Variants in MARCHF3 observed in about 807,000 individuals in gnomAD.
MARCHF3 encodes the protein membrane associated ring-CH-type finger 3, also known as E3 ubiquitin-protein ligase MARCHF3.
In MARCHF3, 13 loss-of-function variants were observed where a neutral mutation model predicts 24.2. The ratio of observed to expected loss-of-function variants is 0.54; its 90% CI spans 0.35 to 0.85. The LOEUF is 0.85. Among genes scored for constraint, MARCHF3 ranks in the 40% least tolerant of loss-of-function variants. MARCHF3 has a pLI of 0.01. For missense variants in MARCHF3, 276 were observed against 325.0 expected (o/e 0.85, Z 1.16); for synonymous variants, 144 against 137.3 (o/e 1.05, Z -0.34).
chr5:126,903,611 T>C (rs1754179426), intron 3 of MARCHF3, among the ~76,000 whole-genome samples: 1 of 151,854 alleles, frequency 6.6e-6, no homozygotes, highest in Non-Finnish European at 1.5e-5. Context: ...AGTCCAGCAA[T>C]GTCTCCACCT....
At chr5:126,961,582 A>G (rs1750637560) in intron 1 of MARCHF3, among the ~76,000 whole-genome samples, 1 of 152,196 alleles carries the variant, frequency 6.6e-6, no homozygotes, top group Non-Finnish European at 1.5e-5. Context: ...AATTTATTTC[A>G]TTAGTCAGAA....
At chr5:127,029,932 C>G (rs1753122487) in intron 1 of MARCHF3, 2 of 152,252 alleles carry the variant, frequency 1.3e-5, no homozygotes, top group African/African-American at 2.4e-5. Flanking sequence ...ACCTTGAGCC[C>G]GATGAGCGCT....
intron 3 of MARCHF3, among the ~76,000 whole-genome samples, chr5:126,881,573 A>G (rs1015612554): frequency 6.6e-6 from 1 of 152,234 alleles, no homozygotes; most frequent in African/African-American, 2.4e-5. Flanking sequence ...CCATACATTA[A>G]TAGCAATTTC....
At chr5:126,961,805 C>T (rs531740208) in intron 1 of MARCHF3, among the ~76,000 whole-genome samples, 3 of 152,224 alleles carry the variant, frequency 2.0e-5, no homozygotes, top group South Asian at 2.1e-4. Flanking sequence ...ATGGGGCAAC[C>T]GGCCCCCAGG....
At chr5:126,956,711 CA>C (rs758322770) in intron 1 of MARCHF3, among the ~76,000 whole-genome samples, 74 of 96,182 alleles carry the variant, frequency 7.7e-4, no homozygotes, top group African/African-American at 2.7e-3. Flanking sequence ...CAAACAATAA[CA>C]AAAAAAAACC....
intron 1 of MARCHF3, among the ~76,000 whole-genome samples, chr5:126,974,935 T>G (rs908390595): frequency 2.0e-5 from 3 of 152,202 alleles, no homozygotes; most frequent in Non-Finnish European, 4.4e-5. Context: ...ATATTTAAAG[T>G]GGGATATAAC....
intron 3 of MARCHF3, among the ~76,000 whole-genome samples, chr5:126,886,369 C>A (rs1405686126): frequency 6.6e-6 from 1 of 152,200 alleles, no homozygotes; most frequent in African/African-American, 2.4e-5. Context: ...AGAAGCAGCA[C>A]CTTGCTGGGG....
chr5:126,984,759 T>C (rs1189315721), intron 1 of MARCHF3, among the ~76,000 whole-genome samples: 1 of 152,244 alleles, frequency 6.6e-6, no homozygotes, highest in Non-Finnish European at 1.5e-5. Flanking sequence ...GATACTCCTA[T>C]GCACTGAAGA....
chr5:126,988,990 A>G (rs1329817125), intron 1 of MARCHF3, among the ~76,000 whole-genome samples: 1 of 152,244 alleles, frequency 6.6e-6, no homozygotes, highest in African/African-American at 2.4e-5. Context: ...GTTAACTCCC[A>G]CTGGCATCAA....
At chr5:126,918,382 G>GCA (rs112284753) in intron 1 of MARCHF3, among the ~76,000 whole-genome samples, 155 bp from the exon 2 acceptor site, 8,251 of 149,494 alleles carry the variant, frequency 0.055, 344 homozygotes, top group African/African-American at 0.12. Context: ...TAATACAAGT[G>GCA]CACACACACA....
intron 1 of MARCHF3, among the ~76,000 whole-genome samples, chr5:126,923,967 T>C (rs1014992114): frequency 3.9e-5 from 6 of 151,906 alleles, no homozygotes; most frequent in African/African-American, 1.2e-4. Context: ...TGAGTACTTA[T>C]TAGGTATTCC....
At chr5:126,884,517 CAAACTT>C (rs1170832048) in intron 3 of MARCHF3, among the ~76,000 whole-genome samples, 2 of 152,210 alleles carry the variant, frequency 1.3e-5, no homozygotes, top group African/African-American at 2.4e-5. Flanking sequence ...ACAGACAACT[CAAACTT>C]AATCTGTCCA....
chr5:126,973,983 C>T lies in MARCHF3; in HGVS notation c.-56-55756G>A, dbSNP rs528418999. Among the ~76,000 whole-genome samples, 7 of 149,172 alleles carry T rather than the reference C, an allele frequency of 4.7e-5. No homozygotes were observed. The South Asian group carries it at 8.5e-4, about 18-fold the overall frequency. The stretch of plus-strand genomic sequence containing the variant: ...CACAATCTCGGCTCACTGCAAGCTC[C>T]ACTTCCCGGGTTCACGCCATTCTCC... On this transcript the variant is annotated intron_variant, in intron 1 of 4. Transcript: ENST00000308660.
At chr5:126,916,427 A>C (rs1050921567) in intron 2 of MARCHF3, among the ~76,000 whole-genome samples, 3 of 152,122 alleles carry the variant, frequency 2.0e-5, no homozygotes, top group Non-Finnish European at 4.4e-5. Flanking sequence ...GCCATGGAAG[A>C]CTGCTGTTTC....
intron 3 of MARCHF3, among the ~76,000 whole-genome samples, chr5:126,896,125 C>T (rs1464828368): frequency 4.6e-5 from 7 of 152,196 alleles, no homozygotes; most frequent in Non-Finnish European, 8.8e-5. Context: ...CTCCCTGACC[C>T]CTTGCGCTTC....
At chr5:126,875,369 G>A (rs186318640) in intron 4 of MARCHF3, among the ~76,000 whole-genome samples, 12 of 152,326 alleles carry the variant, frequency 7.9e-5, no homozygotes, top group African/African-American at 9.6e-5. Context: ...ACTCTGAGGC[G>A]TGCAGCGTGA....
chr5:127,030,031 G>A (rs184524371), intron 1 of MARCHF3: 1 of 152,364 alleles, frequency 6.6e-6, no homozygotes, highest in Non-Finnish European at 1.5e-5. Context: ...TCCGCACGCC[G>A]CGGGCGCGGA....
At chr5:126,886,300 T>C (rs1753508019) in intron 3 of MARCHF3, among the ~76,000 whole-genome samples, 1 of 152,200 alleles carries the variant, frequency 6.6e-6, no homozygotes, top group Admixed American at 6.5e-5. Context: ...TCACTTACTT[T>C]CACACTACAT....
At chr5:126,897,960 A>G (rs189734336) in intron 3 of MARCHF3, among the ~76,000 whole-genome samples, 2 of 152,234 alleles carry the variant, frequency 1.3e-5, no homozygotes, top group Admixed American at 1.3e-4. Flanking sequence ...CACATACTGT[A>G]GGATTCCATT....
Sources: gnomAD v4.1 joint callset for allele counts (sites outside exome capture counted in the v4.1 genomes callset) on GRCh38, gnomAD v4.1.1 for gene constraint, MANE v1.5 for transcripts, NCBI Gene and HGNC (gene_info 2026-07-23, HGNC 2026-07-21) for gene names.